Variants in RIT2 observed in about 807,000 individuals in gnomAD.
The protein encoded by RIT2 is Ras like without CAAX 2.
In RIT2, 24 loss-of-function variants were observed where a neutral mutation model predicts 23.7. The observed-to-expected ratio is 1.01, with a 90% CI of 0.73 to 1.43. RIT2 has a LOEUF of 1.43. RIT2 is among the 40% of genes most tolerant of loss of function. The probability of loss-of-function intolerance (pLI) is 0.00; values close to 1 mark genes in which losing one functional copy is unlikely to be tolerated. For synonymous variants in RIT2, 107 were observed against 91.1 expected (o/e 1.17, Z -0.99); for missense variants, 236 against 266.9 (o/e 0.88, Z 0.81).
At chr18:42,809,918 T>G (rs537614595) in intron 4 of RIT2, among the ~76,000 whole-genome samples, 1 of 143,984 alleles carries the variant, frequency 6.9e-6, no homozygotes, top group South Asian at 2.1e-4. Context: ...TATATATAAT[T>G]TGTATATATG....
intron 1 of RIT2, among the ~76,000 whole-genome samples, chr18:43,046,085 G>T (rs566402114): frequency 2.8e-4 from 43 of 152,240 alleles, no homozygotes; most frequent in African/African-American, 1.0e-3. Flanking sequence ...TCAGATGCAA[G>T]ATAGGCAGTC....
intron 1 of RIT2, among the ~76,000 whole-genome samples, chr18:43,093,771 G>A (rs567829755): frequency 3.3e-5 from 5 of 152,154 alleles, no homozygotes; most frequent in South Asian, 2.1e-4. Flanking sequence ...GGTGAAGGTC[G>A]TGAAAACTGT....
At chr18:42,867,134 T>C (rs1335012959) in intron 4 of RIT2, among the ~76,000 whole-genome samples, 1 of 152,162 alleles carries the variant, frequency 6.6e-6, no homozygotes, top group Non-Finnish European at 1.5e-5. Context: ...TGATTTGCTT[T>C]GGATTTTTTT....
intron 4 of RIT2, among the ~76,000 whole-genome samples, chr18:42,898,784 T>G (rs908153349): frequency 5.9e-5 from 9 of 152,170 alleles, no homozygotes; most frequent in Non-Finnish European, 1.0e-4. Context: ...ACAGACAAAT[T>G]GTAAAAAGTA....
At chr18:42,843,304 C>T (rs1906817960) in intron 4 of RIT2, among the ~76,000 whole-genome samples, 1 of 152,102 alleles carries the variant, frequency 6.6e-6, no homozygotes, top group Non-Finnish European at 1.5e-5. Flanking sequence ...AGTTTTAAAA[C>T]CTGCTATGTC....
intron 4 of RIT2, among the ~76,000 whole-genome samples, chr18:42,900,729 T>C (rs528757577): frequency 3.2e-4 from 49 of 152,196 alleles, no homozygotes; most frequent in African/African-American, 1.2e-3. Flanking sequence ...TAACAGAGAT[T>C]CAGCTTTGTA....
chr18:42,919,826 G>C (rs993685272), intron 4 of RIT2, among the ~76,000 whole-genome samples: 13 of 152,176 alleles, frequency 8.5e-5, no homozygotes, highest in African/African-American at 3.1e-4. Context: ...AGCCGGTCAG[G>C]GTTTTGGAAA....
chr18:43,065,592 C>G (rs1912753522), intron 1 of RIT2, among the ~76,000 whole-genome samples: 1 of 152,064 alleles, frequency 6.6e-6, no homozygotes, highest in Non-Finnish European at 1.5e-5. Flanking sequence ...TAACAGTAAT[C>G]AAAGTGTTTT....
intron 2 of RIT2, among the ~76,000 whole-genome samples, chr18:43,005,716 CATGAACCCA>C (rs1024044602): frequency 1.5e-4 from 22 of 151,694 alleles, no homozygotes; most frequent in African/African-American, 5.1e-4. Context: ...TAAAGTATCC[CATGAACCCA>C]AAAATATGAT....
Position 42,743,388 on chromosome 18 carries a change from A to AAG in RIT2, c.*103_*104dup, listed in dbSNP as rs1404026331. On this transcript the variant is annotated 3_prime_UTR_variant, in exon 5 of 5. Coordinates refer to ENST00000326695, the MANE Select transcript of RIT2 (RefSeq NM_002930.4). The stretch of plus-strand genomic sequence containing the variant: ...GCTTTTACCTACAGGCAGATATTTA[A>AAG]AGAGAGAGAGACACATAGAGAGATA... 1.6e-5 allele frequency: 13 copies of AAG among 821,950 alleles called. No homozygotes were observed. Among genetic ancestry groups the AAG allele is most frequent in the South Asian group, 5.0e-5 (3 of 60,428 alleles). 50.9% of individuals were successfully genotyped at this position (821,950 alleles called of 1,614,324 possible).
chr18:42,879,250 T>G lies in RIT2; in HGVS notation c.426+44322A>C, dbSNP rs372537962. On this transcript the variant is annotated intron_variant, in intron 4 of 4. Transcript: ENST00000326695. ...AGCCAAATCACTTCTTGCCTGAATATCACATTTTCTCCTGTATTGTTCTAC... is the reference window on the plus strand; with the variant it reads ...AGCCAAATCACTTCTTGCCTGAATAGCACATTTTCTCCTGTATTGTTCTAC... Among the ~76,000 whole-genome samples the G allele has an allele frequency of 5.9e-5, 9 of 152,148 alleles. No individual in the cohort carries two copies. The East Asian group carries it at 9.6e-4, about 16-fold the overall frequency.
chr18:42,820,338 G>C (rs750864708), intron 4 of RIT2, among the ~76,000 whole-genome samples: 1 of 152,022 alleles, frequency 6.6e-6, no homozygotes, highest in Non-Finnish European at 1.5e-5. Flanking sequence ...CAGAAAATGA[G>C]TGTTTAGGTA....
intron 4 of RIT2, among the ~76,000 whole-genome samples, chr18:42,751,848 A>C (rs1281052033): frequency 6.6e-6 from 1 of 152,070 alleles, no homozygotes; most frequent in African/African-American, 2.4e-5. Context: ...AATTATCATC[A>C]GATCAGTGAC....
At chr18:43,035,796 C>T (rs912318424) in intron 1 of RIT2, among the ~76,000 whole-genome samples, 1 of 152,162 alleles carries the variant, frequency 6.6e-6, no homozygotes, top group Non-Finnish European at 1.5e-5. Flanking sequence ...GCTATACACC[C>T]GCCTTAGTGC....
intron 1 of RIT2, among the ~76,000 whole-genome samples, chr18:43,035,396 T>C (rs752430144): frequency 3.3e-4 from 50 of 152,208 alleles, no homozygotes; most frequent in Non-Finnish European, 5.9e-5. Flanking sequence ...TAAGTGGATA[T>C]GAAGAAGCAT....
chr18:42,984,459 G>C (rs1314261462), intron 2 of RIT2, among the ~76,000 whole-genome samples: 1 of 152,040 alleles, frequency 6.6e-6, no homozygotes, highest in African/African-American at 2.4e-5. Flanking sequence ...TGTGGTCAGG[G>C]AAATGTTCTG....
At position 42,923,653 on chromosome 18, in the gene RIT2, C is replaced by G. The variant is rs750689156; in HGVS notation, c.345G>C (p.Glu115Asp). 16 of 1,613,388 alleles carry G rather than the reference C, an allele frequency of 9.9e-6. No individual in the cohort carries two copies. The highest frequency in any genetic ancestry group is 1.4e-5 in the Non-Finnish European group (16 of 1,179,652). Residue 115 changes from glutamate (E) to aspartate (D), a missense_variant, in exon 4 of 5, where the codon GAG becomes GAC. Coordinates refer to ENST00000326695, the MANE Select transcript of RIT2 (RefSeq NM_002930.4). Reference sequence around the variant, plus strand: ...AGGTGTGGCGGACCTGAAAAATGAGCTCTTTAAACTTGGCAGCCTCCTGAA... The same window carrying G: ...AGGTGTGGCGGACCTGAAAAATGAGGTCTTTAAACTTGGCAGCCTCCTGAA... ...QSFQEAAKFK[E>D]LIFQVRHTYE...
chr18:43,077,426 T>C (rs1398511964), intron 1 of RIT2, among the ~76,000 whole-genome samples: 3 of 132,160 alleles, frequency 2.3e-5, no homozygotes, highest in East Asian at 9.7e-4. Flanking sequence ...TTCTTGAACA[T>C]TTTTTTTTGT....
chr18:43,074,594 C>T (rs758731578), intron 1 of RIT2, among the ~76,000 whole-genome samples: 3 of 152,060 alleles, frequency 2.0e-5, no homozygotes, highest in Non-Finnish European at 4.4e-5. Context: ...GATACATGTA[C>T]ATATATGTTC....
Sources: allele counts gnomAD v4.1 joint callset (sites outside exome capture counted in the v4.1 genomes callset), GRCh38; gene constraint gnomAD v4.1.1; transcripts MANE v1.5; gene names NCBI Gene and HGNC (gene_info 2026-07-23, HGNC 2026-07-21).